Variants in DLG2 observed in about 807,000 individuals in gnomAD.
DLG2 encodes discs large MAGUK scaffold protein 2, also known as disks large homolog 2.
A neutral mutation model predicts 132.5 loss-of-function variants in DLG2; 45 were observed. The ratio of observed to expected loss-of-function variants is 0.34; its 90% confidence interval spans 0.27 to 0.44. DLG2 has a LOEUF of 0.44. Ranked by LOEUF, DLG2 falls within the 20% of genes least tolerant of loss-of-function variation. The probability of loss-of-function intolerance (pLI) is 1.00; values close to 1 mark genes in which losing one functional copy is unlikely to be tolerated. For synonymous variants in DLG2, 424 were observed against 419.6 expected (o/e 1.01, Z -0.13); for missense variants, 1,045 against 1,196.9 (o/e 0.87, Z 1.87).
chr11:84,251,200 C>T lies in DLG2; in HGVS notation c.573+38G>A, dbSNP rs1403012580. ...AAATTCAGCCAATTAAGTTCTACCA[C>T]AGTTTTAAAAGAAGGTAGTAATGAA... is the stretch of plus-strand genomic sequence containing the variant. On this transcript the variant is annotated intron_variant, in intron 8 of 27. Transcript: ENST00000376104. 6 of 1,328,164 alleles carry T rather than the reference C, an allele frequency of 4.5e-6. 1 individual carries two copies. The South Asian group carries it at 7.2e-5, about 16-fold the overall frequency. The allele number at this position is 1,328,164 out of a possible 1,614,324, so 82.3% of individuals were successfully genotyped here. A position where few individuals can be genotyped will look rare whatever the true frequency, so the allele number is the denominator to read the frequency against.
intron 17 of DLG2, among the ~76,000 whole-genome samples, chr11:83,826,728 T>C (rs563172872): frequency 1.3e-5 from 2 of 152,350 alleles, no homozygotes; most frequent in South Asian, 2.1e-4. Flanking sequence ...TTGAAATTTC[T>C]GAAACCTTAC....
intron 7 of DLG2, among the ~76,000 whole-genome samples, chr11:84,292,576 G>A (rs1035675471): frequency 3.2e-4 from 48 of 152,148 alleles, no homozygotes; most frequent in Non-Finnish European, 5.7e-4. Flanking sequence ...TTCCAAGCTA[G>A]CTTTTTATCA....
At chr11:85,606,968 G>A (rs1051481753) in intron 2 of DLG2, among the ~76,000 whole-genome samples, 8 of 152,142 alleles carry the variant, frequency 5.3e-5, no homozygotes, top group Admixed American at 1.3e-4. Flanking sequence ...CACTCACCAC[G>A]AGGGTCCACA....
intron 6 of DLG2, among the ~76,000 whole-genome samples, chr11:84,956,401 C>G (rs942525148): frequency 6.6e-6 from 1 of 152,184 alleles, no homozygotes; most frequent in African/African-American, 2.4e-5. Context: ...AAATTATTCA[C>G]AGTCCTGCCA....
intron 9 of DLG2, among the ~76,000 whole-genome samples, chr11:84,124,650 T>C (rs1418418793): frequency 6.6e-6 from 1 of 152,124 alleles, no homozygotes; most frequent in African/African-American, 2.4e-5. Flanking sequence ...ACACGGTACA[T>C]GTCAAAGAGG....
intron 6 of DLG2, chr11:84,720,503 C>T (rs2061687787): frequency 1.0e-6 from 1 of 984,976 alleles, no homozygotes; most frequent in Non-Finnish European, 1.2e-6. Flanking sequence ...GATCACTGCC[C>T]CCTGCACCCG....
intron 3 of DLG2, among the ~76,000 whole-genome samples, chr11:85,566,392 T>C (rs2077527010): frequency 1.3e-5 from 2 of 152,112 alleles, no homozygotes; most frequent in African/African-American, 2.4e-5. Flanking sequence ...TAAGAAATCA[T>C]GGCCTTATCC....
intron 7 of DLG2, among the ~76,000 whole-genome samples, chr11:84,439,267 G>A (rs964583995): frequency 3.3e-5 from 5 of 152,124 alleles, no homozygotes; most frequent in South Asian, 2.1e-4. Context: ...GAATTGGGCA[G>A]ATATTTTTAA....
chr11:84,087,679 T>C (rs1388272363), intron 10 of DLG2, among the ~76,000 whole-genome samples: 1 of 152,126 alleles, frequency 6.6e-6, no homozygotes. Context: ...AGTAGAGTCA[T>C]AGTCAATGAA....
chr11:84,890,194 T>C (rs373757343), intron 6 of DLG2, among the ~76,000 whole-genome samples: 36 of 152,322 alleles, frequency 2.4e-4, no homozygotes, highest in African/African-American at 8.7e-4. Context: ...TTGCAGTTTT[T>C]ATCTAAGCTT....
At chr11:84,600,830 A>G (rs1295985086) in intron 6 of DLG2, among the ~76,000 whole-genome samples, 1 of 152,216 alleles carries the variant, frequency 6.6e-6, no homozygotes, top group African/African-American at 2.4e-5. Context: ...TAATTAAAAA[A>G]TGAGAAAAAG....
rs1400780939 is a variant in DLG2, at chr11:83,467,779, A to G, written c.2620-962T>C. On this transcript the variant is annotated intron_variant, in intron 25 of 27. Transcript: ENST00000376104. Reference sequence around the variant, plus strand: ...AAAAATAAAAACTATATGTATATATATATATATATATATATATATATATAT... The same window carrying G: ...AAAAATAAAAACTATATGTATATATGTATATATATATATATATATATATAT... Among the ~76,000 whole-genome samples the G allele has an allele frequency of 5.6e-3, 279 of 49,568 alleles. 4 individuals carry two copies. The highest frequency in any genetic ancestry group is 0.025 in the African/African-American group (255 of 10,028). 32.5% of individuals were successfully genotyped at this position (49,568 alleles called of 152,430 possible).
chr11:84,763,890 A>G (rs2068013635), intron 6 of DLG2, among the ~76,000 whole-genome samples: 1 of 152,160 alleles, frequency 6.6e-6, no homozygotes, highest in African/African-American at 2.4e-5. Flanking sequence ...GGAATTTAAG[A>G]AACTGTGTTT....
chr11:85,382,139 A>G (rs2085944176), intron 3 of DLG2, among the ~76,000 whole-genome samples: 1 of 152,148 alleles, frequency 6.6e-6, no homozygotes, highest in African/African-American at 2.4e-5. Flanking sequence ...TACTTCTGTA[A>G]TCAAGACAGC....
At chr11:84,148,593 T>C (rs569220018) in intron 9 of DLG2, among the ~76,000 whole-genome samples, 1 of 152,282 alleles carries the variant, frequency 6.6e-6, no homozygotes, top group South Asian at 2.1e-4. Context: ...TAAATGTATG[T>C]ATATTTTCTT....
intron 11 of DLG2, among the ~76,000 whole-genome samples, chr11:84,023,196 C>T (rs776455344): frequency 2.6e-5 from 4 of 151,824 alleles, no homozygotes; most frequent in Admixed American, 1.3e-4. Context: ...AAAAGATCAC[C>T]AAACAAAAAA....
At chr11:83,862,297 G>T (rs988757915) in intron 16 of DLG2, among the ~76,000 whole-genome samples, 2 of 152,104 alleles carry the variant, frequency 1.3e-5, no homozygotes, top group African/African-American at 4.8e-5. Context: ...GCAACAACAC[G>T]AATGGAACTG....
chr11:84,339,397 AG>A (rs375356046), intron 7 of DLG2, among the ~76,000 whole-genome samples: 1 of 152,342 alleles, frequency 6.6e-6, no homozygotes, highest in Non-Finnish European at 1.5e-5. Context: ...AGATCTAGAA[AG>A]GTTAATTACT....
chr11:85,422,492 CATTTTGCATTTTTA>C (rs2090395283), intron 3 of DLG2, among the ~76,000 whole-genome samples: 1 of 148,084 alleles, frequency 6.8e-6, no homozygotes, highest in African/African-American at 2.5e-5. Flanking sequence ...TTTTCCAGAG[CATTTTGCATTTTTA>C]TAACTGTGTC....
Sources: gnomAD v4.1 joint callset for allele counts (sites outside exome capture counted in the v4.1 genomes callset) on GRCh38, gnomAD v4.1.1 for gene constraint, MANE v1.5 for transcripts, NCBI Gene and HGNC (gene_info 2026-07-23, HGNC 2026-07-21) for gene names.